The following SYT1 variants were observed in gnomAD, a reference collection of about 807,000 sequenced individuals.
The protein encoded by SYT1 is synaptotagmin-1.
Under a neutral mutation model 44.8 loss-of-function variants are expected in SYT1, and 8 were observed. The observed-to-expected ratio is 0.18, with a 90% CI of 0.10 to 0.32. SYT1 has a LOEUF of 0.32. Ranked by LOEUF, SYT1 falls within the 10% of genes least tolerant of loss-of-function variation. The pLI, the probability that SYT1 is intolerant of heterozygous loss-of-function variation, is 1.00. For synonymous variants in SYT1, 154 were observed against 188.8 expected, an observed-to-expected ratio of 0.82 and a Z score of 1.51; for missense variants, 286 against 509.3, an observed-to-expected ratio of 0.56 and a Z score of 4.22.
intron 9 of SYT1, among the ~76,000 whole-genome samples, chr12:79,412,125 G>A (rs1291827849): frequency 6.6e-6 from 1 of 152,190 alleles, no homozygotes; most frequent in Non-Finnish European, 1.5e-5. Context: ...CAAGTCCACA[G>A]TTTGACCTTT....
At chr12:78,931,370 AAG>A (rs1877722642) in intron 1 of SYT1, among the ~76,000 whole-genome samples, 1 of 100,454 alleles carries the variant, frequency 1.0e-5, no homozygotes, top group African/African-American at 3.7e-5. Context: ...GGAAGGAAGG[AAG>A]GAAGGAAGGA....
At chr12:78,946,932 T>C (rs1029526269) in intron 1 of SYT1, among the ~76,000 whole-genome samples, 2 of 152,200 alleles carry the variant, frequency 1.3e-5, no homozygotes, top group Admixed American at 6.5e-5. Flanking sequence ...TGGATCAGAA[T>C]GCAGTATACA....
chr12:79,025,045 G>A (rs1872437203), intron 2 of SYT1, among the ~76,000 whole-genome samples: 1 of 151,776 alleles, frequency 6.6e-6, no homozygotes, highest in Non-Finnish European at 1.5e-5. Context: ...ACATTCATGA[G>A]CAAAAGCTTA....
intron 3 of SYT1, among the ~76,000 whole-genome samples, chr12:79,187,641 C>T (rs764966551): frequency 3.9e-5 from 6 of 152,020 alleles, no homozygotes; most frequent in African/African-American, 4.8e-5. Context: ...AGATAGCAGA[C>T]GAGGCTTCAT....
intron 9 of SYT1, among the ~76,000 whole-genome samples, chr12:79,432,889 G>C (rs1280420250): frequency 6.6e-6 from 1 of 152,128 alleles, no homozygotes; most frequent in Non-Finnish European, 1.5e-5. Context: ...TGGGATTACA[G>C]GTGTGAGCCA....
At chr12:79,056,306 G>A (rs922322164) in intron 3 of SYT1, among the ~76,000 whole-genome samples, 1 of 152,146 alleles carries the variant, frequency 6.6e-6, no homozygotes, top group South Asian at 2.1e-4. Context: ...ATGAAATTTC[G>A]ATTTGATAGA....
intron 8 of SYT1, among the ~76,000 whole-genome samples, chr12:79,309,836 A>G (rs1880676197): frequency 6.6e-6 from 1 of 152,224 alleles, no homozygotes; most frequent in Admixed American, 6.5e-5. Context: ...CAGATTGGCT[A>G]TCAGGAATTA....
intron 9 of SYT1, among the ~76,000 whole-genome samples, chr12:79,365,946 T>C (rs1883525593): frequency 6.6e-6 from 1 of 151,848 alleles, no homozygotes; most frequent in South Asian, 2.1e-4. Context: ...ATTATTATGA[T>C]AACAACTTGA....
chr12:79,094,004 C>A (rs1201938635), intron 3 of SYT1, among the ~76,000 whole-genome samples: 2 of 151,490 alleles, frequency 1.3e-5, no homozygotes, highest in East Asian at 3.9e-4. Context: ...ACATATTTAC[C>A]AGCCAAACCA....
chr12:79,405,772 C>A (rs1322381681), intron 9 of SYT1, among the ~76,000 whole-genome samples: 1 of 152,026 alleles, frequency 6.6e-6, no homozygotes, highest in Non-Finnish European at 1.5e-5. Context: ...TTTTTTCCTT[C>A]TTTTCAGCTC....
chr12:79,019,907 A>G (rs1008407636), intron 2 of SYT1, among the ~76,000 whole-genome samples: 11 of 151,952 alleles, frequency 7.2e-5, no homozygotes, highest in African/African-American at 2.7e-4. Flanking sequence ...ACACCTCTAC[A>G]AATTGCTTTT....
At chr12:78,989,359 G>A (rs1045258410) in intron 2 of SYT1, among the ~76,000 whole-genome samples, 2 of 152,136 alleles carry the variant, frequency 1.3e-5, no homozygotes, top group African/African-American at 2.4e-5. Context: ...ATTAATATTT[G>A]TTATGTCACT....
chr12:79,313,580 T>G (rs1880914597), intron 8 of SYT1, among the ~76,000 whole-genome samples: 1 of 149,334 alleles, frequency 6.7e-6, no homozygotes, highest in African/African-American at 2.5e-5. Context: ...AGCATAGTTA[T>G]GTTGAAATAC....
intron 3 of SYT1, among the ~76,000 whole-genome samples, chr12:79,119,372 G>A (rs935954696): frequency 2.0e-5 from 3 of 152,056 alleles, no homozygotes; most frequent in Non-Finnish European, 4.4e-5. Flanking sequence ...GTCCCTCCTT[G>A]ATCTGGTTCA....
intron 1 of SYT1, among the ~76,000 whole-genome samples, chr12:78,934,820 G>A (rs1297745533): frequency 1.3e-5 from 2 of 152,170 alleles, no homozygotes; most frequent in Non-Finnish European, 2.9e-5. Flanking sequence ...GAAAGTATTA[G>A]AAGCATGGTG....
intron 9 of SYT1, among the ~76,000 whole-genome samples, chr12:79,391,764 A>G (rs1884666099): frequency 6.6e-6 from 1 of 152,212 alleles, no homozygotes; most frequent in African/African-American, 2.4e-5. Flanking sequence ...AAAGGAATAA[A>G]TAGATTTATT....
At chr12:79,311,037 A>G (rs1311395609) in intron 8 of SYT1, among the ~76,000 whole-genome samples, 1 of 152,246 alleles carries the variant, frequency 6.6e-6, no homozygotes, top group African/African-American at 2.4e-5. Context: ...CCCTGGCCAG[A>G]CTTCCAACAG....
chr12:79,325,131 G>A (rs988250165), intron 8 of SYT1, among the ~76,000 whole-genome samples: 1 of 152,098 alleles, frequency 6.6e-6, no homozygotes, highest in Non-Finnish European at 1.5e-5. Context: ...TCCTATTCAA[G>A]TATCTTCCCA....
intron 3 of SYT1, among the ~76,000 whole-genome samples, chr12:79,142,118 G>A (rs1249084141): frequency 6.6e-6 from 1 of 152,198 alleles, no homozygotes; most frequent in Non-Finnish European, 1.5e-5. Flanking sequence ...CATATCTCAA[G>A]AAAGCTCCTC....
Sources: allele counts gnomAD v4.1 joint callset (sites outside exome capture counted in the v4.1 genomes callset), GRCh38; gene constraint gnomAD v4.1.1; transcripts MANE v1.5; gene names NCBI Gene and HGNC (gene_info 2026-07-23, HGNC 2026-07-21).